SMAD7: variants seen among roughly 807,000 people sequenced by gnomAD.
SMAD7 encodes the protein MAD (mothers against decapentaplegic, Drosophila) homolog 7.
In SMAD7, 8 loss-of-function variants were observed where a neutral mutation model predicts 38.7. That is an observed-to-expected ratio of 0.21 (90% CI 0.12 to 0.37). The LOEUF is 0.37. Ranked by LOEUF, SMAD7 falls within the 10% of genes least tolerant of loss-of-function variation. The pLI, the probability that SMAD7 is intolerant of heterozygous loss-of-function variation, is 1.00. For synonymous variants in SMAD7, 327 were observed against 265.1 expected (o/e 1.23, Z -2.27); for missense variants, 477 against 577.9 (o/e 0.83, Z 1.79).
chr18:48,946,569 T>C (rs1176007459), intron 2 of SMAD7, among the ~76,000 whole-genome samples: 1 of 152,240 alleles, frequency 6.6e-6, no homozygotes, highest in Non-Finnish European at 1.5e-5. Flanking sequence ...TGTTCTATTT[T>C]CAACAAAACG....
chr18:48,921,139 A>G lies in SMAD7; in HGVS notation c.*233T>C. 1 of 540,334 alleles carries G rather than the reference A, an allele frequency of 1.9e-6. No homozygotes were observed. The highest frequency in any genetic ancestry group is 2.3e-5 in the South Asian group (1 of 43,840). 33.5% of individuals were successfully genotyped at this position (540,334 alleles called of 1,614,324 possible). On this transcript the variant is annotated 3_prime_UTR_variant, in exon 4 of 4. Transcript: ENST00000262158. The surrounding 1 kb of genome is among the most constrained non-coding windows in gnomAD (Gnocchi z 6.4). ...CCTATCAGGGTGTCCTGCCGATCAT[A>G]CCTGCCCCTTCTTCCAAAAAAACCC...
intron 3 of SMAD7, among the ~76,000 whole-genome samples, chr18:48,923,174 C>T (rs1486862341): frequency 2.0e-5 from 3 of 152,214 alleles, no homozygotes; most frequent in Non-Finnish European, 4.4e-5. Flanking sequence ...AAGGGCCCCA[C>T]GTCGGTCAGG....
At chr18:48,948,538 A>T in intron 1 of SMAD7, 101 bp from the exon 2 acceptor site, 1 of 828,058 alleles carries the variant, frequency 1.2e-6, no homozygotes, top group Non-Finnish European at 1.9e-6. Context: ...TGTTTGTCTT[A>T]GCTGTGGGGG....
intron 3 of SMAD7, among the ~76,000 whole-genome samples, chr18:48,938,854 CT>C (rs1433819194): frequency 1.3e-5 from 2 of 152,218 alleles, no homozygotes; most frequent in Non-Finnish European, 2.9e-5. Context: ...CCCAGGTGAT[CT>C]TCCTGAGCCA....
chr18:48,926,002 T>A (rs1225762070), intron 3 of SMAD7, among the ~76,000 whole-genome samples: 1 of 152,178 alleles, frequency 6.6e-6, no homozygotes, highest in East Asian at 1.9e-4. Context: ...AGCCTCAGCC[T>A]CCCAAAGTGC....
chr18:48,940,515 AAAG>A (rs2070125280), intron 3 of SMAD7, among the ~76,000 whole-genome samples: 1 of 151,490 alleles, frequency 6.6e-6, no homozygotes, highest in Non-Finnish European at 1.5e-5. Flanking sequence ...CTTGGGGAGG[AAAG>A]GGTGGGTGGA....
intron 2 of SMAD7, among the ~76,000 whole-genome samples, chr18:48,946,375 T>A (rs1342010677): frequency 6.7e-6 from 1 of 150,086 alleles, no homozygotes; most frequent in Non-Finnish European, 1.5e-5. Context: ...TGGTCTGACC[T>A]CAATGCCCCC....
intron 3 of SMAD7, among the ~76,000 whole-genome samples, chr18:48,926,294 A>C (rs2069927734): frequency 6.6e-6 from 1 of 152,008 alleles, no homozygotes; most frequent in Non-Finnish European, 1.5e-5. Flanking sequence ...GGGGTCCCCC[A>C]AGATTCCATT....
chr18:48,935,983 G>A (rs2070059998), intron 3 of SMAD7, among the ~76,000 whole-genome samples: 3 of 152,054 alleles, frequency 2.0e-5, no homozygotes, highest in Admixed American at 2.0e-4. Flanking sequence ...ACTGACGCAT[G>A]AGAATGGCTT....
chr18:48,934,091 G>A (rs1357898373), intron 3 of SMAD7, among the ~76,000 whole-genome samples: 2 of 152,130 alleles, frequency 1.3e-5, no homozygotes, highest in Non-Finnish European at 2.9e-5. Context: ...GAAACCCAGA[G>A]ACAAAAAATG....
At chr18:48,948,358 G>A (rs773203585) in intron 2 of SMAD7, 26 bp downstream of exon 2, 6 of 1,523,282 alleles carry the variant, frequency 3.9e-6, no homozygotes, top group Admixed American at 1.8e-5. Flanking sequence ...AAGATAAGCA[G>A]GATATTTTAA....
intron 2 of SMAD7, among the ~76,000 whole-genome samples, chr18:48,944,797 G>T (rs1292437717): frequency 6.6e-6 from 1 of 152,198 alleles, no homozygotes; most frequent in Non-Finnish European, 1.5e-5. Flanking sequence ...TGTGTCGCCT[G>T]TTCCCCAGAG....
At position 48,929,569 on chromosome 18, in the gene SMAD7, T is replaced by TCACACACACACACACACACACA. The variant is rs1555716118; in HGVS notation, c.743-7660_743-7659insTGTGTGTGTGTGTGTGTGTGTG. On this transcript the variant is annotated intron_variant, in intron 3 of 3. Transcript: ENST00000262158. ...CTCTCTTTCTCTCTCTCTCTCTCTC[T>TCACACACACACACACACACACA]CACTCACACACACACACACACACAC... 6.9e-3 allele frequency among the ~76,000 whole-genome samples: 792 copies of TCACACACACACACACACACACA among 114,518 alleles called. 17 individuals are homozygous for TCACACACACACACACACACACA. The highest frequency in any genetic ancestry group is 0.026 in the African/African-American group (746 of 28,858). 75.1% of individuals were successfully genotyped at this position (114,518 alleles called of 152,430 possible).
chr18:48,924,401 G>A (rs2069900877), intron 3 of SMAD7, among the ~76,000 whole-genome samples: 1 of 152,118 alleles, frequency 6.6e-6, no homozygotes, highest in Admixed American at 6.5e-5. Context: ...TAGGCAAGGG[G>A]TGGAAGCCTT....
At chr18:48,949,536 A>G (rs1012276821) in intron 1 of SMAD7, among the ~76,000 whole-genome samples, 2 of 152,108 alleles carry the variant, frequency 1.3e-5, no homozygotes, top group African/African-American at 4.8e-5. Flanking sequence ...CTGCAGGAGC[A>G]GTGCCCGTAG....
intron 3 of SMAD7, among the ~76,000 whole-genome samples, chr18:48,938,061 G>A (rs550040443): frequency 6.6e-6 from 1 of 152,350 alleles, no homozygotes; most frequent in Admixed American, 6.5e-5. Context: ...ACGTGCAGCT[G>A]ATTAACTTTC....
rs1158428965 is a variant in SMAD7 at position 48,920,550 on chromosome 18, G to C, written c.*822C>G. ...CCAGGGCAGGCAGGGGAGAGGCTGAGGGGAGAGGGCACTGGGTGAGCAATA... is the reference window on the plus strand; with the variant it reads ...CCAGGGCAGGCAGGGGAGAGGCTGACGGGAGAGGGCACTGGGTGAGCAATA... On this transcript the variant is annotated 3_prime_UTR_variant, in exon 4 of 4. Coordinates refer to ENST00000262158, the MANE Select transcript of SMAD7 (RefSeq NM_005904.4). 5 of 152,706 alleles carry C rather than the reference G, an allele frequency of 3.3e-5. No homozygotes were observed. Among genetic ancestry groups the C allele is most frequent in the African/African-American group, 1.2e-4 (5 of 41,446 alleles). 9.5% of individuals were successfully genotyped at this position (152,706 alleles called of 1,614,324 possible).
At position 48,939,387 on chromosome 18, in the gene SMAD7, C is replaced by G. The variant is rs1268787668; in HGVS notation, c.742+3094G>C. ...CTGTCGTCTACCCACCCCCCCACAC[C>G]CCCCCAAAACAAAGCTGCAATGCTG... On this transcript the variant is annotated intron_variant, in intron 3 of 3. Coordinates refer to ENST00000262158, the MANE Select transcript of SMAD7 (RefSeq NM_005904.4). Among the ~76,000 whole-genome samples, 3 of 146,708 alleles carry G rather than the reference C, an allele frequency of 2.0e-5. No homozygotes were observed. The Admixed American group carries it at 2.0e-4, about 10-fold the overall frequency.
rs116388040 is a variant in SMAD7, at chr18:48,937,730, G to A, written c.742+4751C>T. 7.2e-3 allele frequency among the ~76,000 whole-genome samples: 1,094 copies of A among 152,254 alleles called. 9 individuals carry two copies. The highest frequency in any genetic ancestry group is 0.024 in the African/African-American group (1,014 of 41,544). On this transcript the variant is annotated intron_variant, in intron 3 of 3. Transcript: ENST00000262158. ...GCAGAAGGTGTCCCCTGAGTTCTAG[G>A]CCGTCATTTCTCACAGTGGCCTGCA...
Sources: gnomAD v4.1 joint callset for allele counts (sites outside exome capture counted in the v4.1 genomes callset) on GRCh38, gnomAD v4.1.1 for gene constraint, Gnocchi (gnomAD v3.1) non-coding constraint, MANE v1.5 for transcripts, NCBI Gene and HGNC (gene_info 2026-07-23, HGNC 2026-07-21) for gene names.